DSN1: variants seen among roughly 807,000 people sequenced by gnomAD.
DSN1 encodes the protein kinetochore-associated protein DSN1 homolog.
A neutral mutation model predicts 45.7 loss-of-function variants in DSN1; 31 were observed. The ratio of observed to expected loss-of-function variants is 0.68; its 90% confidence interval spans 0.51 to 0.92. The LOEUF (loss-of-function observed/expected upper bound fraction) is 0.92, where lower values mean the gene tolerates loss of function less well. Among genes scored for constraint, DSN1 ranks in the 40% least tolerant of loss-of-function variants. The probability of loss-of-function intolerance (pLI) is 0.00; values close to 1 mark genes in which losing one functional copy is unlikely to be tolerated. For missense variants in DSN1, 394 were observed against 414.2 expected (o/e 0.95, Z 0.42); for synonymous variants, 134 against 142.3 (o/e 0.94, Z 0.41).
chr20:36,764,414 A>G (rs1382621121), intron 5 of DSN1, among the ~76,000 whole-genome samples: 1 of 152,218 alleles, frequency 6.6e-6, no homozygotes, highest in Non-Finnish European at 1.5e-5. Context: ...CTGGCAAGTA[A>G]GCCCAAGTTC....
At position 36,771,098 on chromosome 20, in the gene DSN1, T is replaced by C. The variant is rs373258315; in HGVS notation, c.130A>G (p.Met44Val). The C allele has an allele frequency of 6.2e-6, 10 of 1,614,086 alleles. No homozygotes were observed. Among genetic ancestry groups the C allele is most frequent in the African/African-American group, 4.0e-5 (3 of 74,916 alleles). The change falls in exon 3 of 11, where the codon ATG becomes GTG. Residue 44 changes from methionine (M) to valine (V), a missense_variant. Coordinates refer to ENST00000373750, the MANE Select transcript of DSN1 (RefSeq NM_001145315.2). ...CTTTCCTCTGAAACGCCTTGATTCA[T>C]CTCCAGGGAGGCAGATGTTTTAGCA... is the stretch of plus-strand genomic sequence containing the variant. Reference protein sequence around the residue: ...VFAKTSASLEMNQGVSEERIH... With the variant: ...VFAKTSASLEVNQGVSEERIH...
intron 10 of DSN1, among the ~76,000 whole-genome samples, chr20:36,754,163 C>CA (rs945870080): frequency 6.6e-6 from 1 of 151,896 alleles, no homozygotes; most frequent in East Asian, 1.9e-4. Context: ...CCCATCTCTA[C>CA]AAAAAAATTA....
chr20:36,752,755 C>T lies in DSN1; in HGVS notation c.*33G>A. The T allele has an allele frequency of 6.3e-7, 1 of 1,584,906 alleles. No individual in the cohort carries two copies. The highest frequency in any genetic ancestry group is 2.2e-5 in the East Asian group (1 of 44,732). On this transcript the variant is annotated 3_prime_UTR_variant, in exon 11 of 11. Transcript: ENST00000373750. ...GGGGCACTCTTCCCATTCCTCTCCT[C>T]TTGGGCACCTTGTGGCAGAAACTCT...
At chr20:36,755,477 G>C (rs925861484) in intron 9 of DSN1, among the ~76,000 whole-genome samples, 3 of 151,852 alleles carry the variant, frequency 2.0e-5, no homozygotes, top group African/African-American at 7.3e-5. Flanking sequence ...TATACTGTCT[G>C]TCTCTCTTAC....
chr20:36,759,207 TC>T (rs1169485235), intron 6 of DSN1, among the ~76,000 whole-genome samples: 3 of 151,572 alleles, frequency 2.0e-5, no homozygotes, highest in Non-Finnish European at 4.4e-5. Flanking sequence ...GGTCTCAAAC[TC>T]CTGACCTCAT....
At chr20:36,766,650 C>T (rs1987356508) in intron 5 of DSN1, 119 bp downstream of exon 5, 1 of 887,408 alleles carries the variant, frequency 1.1e-6, no homozygotes, top group Admixed American at 2.4e-5. Flanking sequence ...GAGACTCTGT[C>T]TAAAAAACAA....
chr20:36,758,557 C>A lies in DSN1; in HGVS notation c.650+1G>T. 1 of 1,600,994 alleles carries A rather than the reference C, an allele frequency of 6.2e-7. No homozygotes were observed. Among genetic ancestry groups the A allele is most frequent in the Admixed American group, 1.8e-5 (1 of 56,634 alleles). Reference sequence around the variant, plus strand: ...AGATTTTCTAACAAAGGTTAACTTACTTTGTTATGTATTCCTTCATCTCAG... The same window carrying A: ...AGATTTTCTAACAAAGGTTAACTTAATTTGTTATGTATTCCTTCATCTCAG... On this transcript the variant is annotated splice_donor_variant, in intron 7 of 10. Coordinates refer to ENST00000373750, the MANE Select transcript of DSN1 (RefSeq NM_001145315.2). LOFTEE classifies it high-confidence loss of function.
At chr20:36,753,295 G>C (rs1986474396) in intron 10 of DSN1, among the ~76,000 whole-genome samples, 1 of 150,274 alleles carries the variant, frequency 6.7e-6, no homozygotes, top group Non-Finnish European at 1.5e-5. Context: ...AGTCATGACT[G>C]CGCCCCTGTA....
chr20:36,773,573 C>A (rs1230524976), intron 1 of DSN1, 89 bp downstream of exon 1: 10 of 985,824 alleles, frequency 1.0e-5, no homozygotes, highest in Middle Eastern at 1.0e-3. Context: ...GGGTACGACG[C>A]CGAAGAGATT....
At chr20:36,772,944 G>A (rs1987728582) in intron 1 of DSN1, among the ~76,000 whole-genome samples, 1 of 152,224 alleles carries the variant, frequency 6.6e-6, no homozygotes, top group African/African-American at 2.4e-5. Context: ...ATGTCACCTA[G>A]GCATCTCTTC....
intron 5 of DSN1, among the ~76,000 whole-genome samples, chr20:36,766,521 G>C: frequency 6.6e-6 from 1 of 152,040 alleles, no homozygotes; most frequent in Non-Finnish European, 1.5e-5. Flanking sequence ...ACAAAAATTA[G>C]CCAGGTGTGG....
At chr20:36,758,661 T>C (rs2148263179) in intron 6 of DSN1, 44 bp from the exon 7 acceptor site, 2 of 1,535,528 alleles carry the variant, frequency 1.3e-6, no homozygotes, top group Non-Finnish European at 1.8e-6. Flanking sequence ...TCAAGAAATA[T>C]TTGCTTTAAT....
chr20:36,765,598 C>T (rs1271465724), intron 5 of DSN1, among the ~76,000 whole-genome samples: 1 of 151,264 alleles, frequency 6.6e-6, no homozygotes, highest in African/African-American at 2.4e-5. Context: ...ATCATGAGGT[C>T]AGGAGATCGA....
intron 8 of DSN1, among the ~76,000 whole-genome samples, chr20:36,757,616 C>T (rs1986748038): frequency 6.6e-6 from 1 of 152,134 alleles, no homozygotes; most frequent in African/African-American, 2.4e-5. Context: ...CACTTTCCTA[C>T]TTTTCCTCTA....
At chr20:36,762,167 C>T (rs190666516) in intron 6 of DSN1, among the ~76,000 whole-genome samples, 6 of 131,906 alleles carry the variant, frequency 4.5e-5, no homozygotes, top group African/African-American at 1.5e-4. Flanking sequence ...AGTGCAGGGG[C>T]GCGATCTTGG....
chr20:36,763,913 A>ATT (rs1329001660), intron 5 of DSN1, among the ~76,000 whole-genome samples: 21 of 138,880 alleles, frequency 1.5e-4, no homozygotes, highest in African/African-American at 6.2e-4. Context: ...AAAAAAAAAG[A>ATT]AAGACAGAAA....
At chr20:36,754,616 TA>T in intron 10 of DSN1, 146 bp downstream of exon 10, 1 of 569,264 alleles carries the variant, frequency 1.8e-6, no homozygotes, top group Non-Finnish European at 3.1e-6. Flanking sequence ...TGAGTACCCA[TA>T]ACATACTATT....
intron 5 of DSN1, among the ~76,000 whole-genome samples, chr20:36,765,247 T>TAA (rs33998027): frequency 0.062 from 4,644 of 75,236 alleles, 803 homozygotes; most frequent in African/African-American, 0.11. Context: ...AGGCTTGTGT[T>TAA]AAAAAAAAAA....
intron 6 of DSN1, among the ~76,000 whole-genome samples, chr20:36,759,102 C>A (rs1568690733): frequency 6.6e-6 from 1 of 152,182 alleles, no homozygotes; most frequent in Non-Finnish European, 1.5e-5. Context: ...CCTGCCTCAG[C>A]CTCCAGAGTA....
Sources: gnomAD v4.1 joint callset for allele counts (sites outside exome capture counted in the v4.1 genomes callset) on GRCh38, gnomAD v4.1.1 for gene constraint, MANE v1.5 for transcripts, NCBI Gene and HGNC (gene_info 2026-07-23, HGNC 2026-07-21) for gene names.